Variants in ROBO2 observed in about 807,000 individuals in gnomAD.
ROBO2 encodes roundabout guidance receptor 2, also known as roundabout homolog 2.
ROBO2 carries 53 observed loss-of-function variants against 160.8 expected under a neutral mutation model. The ratio of observed to expected loss-of-function variants is 0.33; its 90% CI spans 0.26 to 0.41. ROBO2 has a LOEUF of 0.41. ROBO2 is among the 10% of genes least tolerant of loss of function. The pLI is 1.00. For missense variants in ROBO2, 1,577 were observed against 1,722.4 expected, an observed-to-expected ratio of 0.92 and a Z score of 1.49; for synonymous variants, 664 against 611.7, an observed-to-expected ratio of 1.09 and a Z score of -1.26.
rs540896300 is a variant in ROBO2 at position 76,648,810 on chromosome 3, G to A, written c.110-449204G>A. On this transcript the variant is annotated intron_variant, in intron 2 of 26. Transcript: ENST00000487694. ...TATCTTATAATAAGACTAGTTGATG[G>A]CTTTTTAAGAAACTTAAGTGCAATA... Among the ~76,000 whole-genome samples the A allele has an allele frequency of 2.0e-5, 3 of 151,986 alleles. No individual in the cohort carries two copies. In the East Asian group the frequency reaches 5.8e-4, roughly 29 times the overall value.
At chr3:76,958,621 C>A (rs376043677) in intron 2 of ROBO2, among the ~76,000 whole-genome samples, 1 of 152,186 alleles carries the variant, frequency 6.6e-6, no homozygotes, top group East Asian at 1.9e-4. Flanking sequence ...TTTGTCACAA[C>A]CTTACCAGGA....
intron 2 of ROBO2, among the ~76,000 whole-genome samples, chr3:76,239,353 C>A (rs1219812505): frequency 3.1e-5 from 1 of 32,684 alleles, no homozygotes; most frequent in East Asian, 1.1e-3. Context: ...GTATAGAATA[C>A]GTATATGTAT....
At chr3:77,033,774 C>A (rs1286139062) in intron 2 of ROBO2, among the ~76,000 whole-genome samples, 1 of 151,626 alleles carries the variant, frequency 6.6e-6, no homozygotes. Context: ...TTGCTAAAAA[C>A]CAAAAATTAA....
intron 1 of ROBO2, among the ~76,000 whole-genome samples, chr3:75,926,648 A>G (rs1947304134): frequency 6.6e-6 from 1 of 152,212 alleles, no homozygotes; most frequent in Admixed American, 6.5e-5. Context: ...TAAGGTGTTA[A>G]GGAACATTAG....
intron 2 of ROBO2, among the ~76,000 whole-genome samples, chr3:76,830,783 G>A (rs1413666822): frequency 1.4e-5 from 2 of 147,136 alleles, no homozygotes; most frequent in East Asian, 2.0e-4. Flanking sequence ...TTGAGATGAC[G>A]CTGGGCAACA....
chr3:77,582,757 T>G (rs2093952211), intron 16 of ROBO2, among the ~76,000 whole-genome samples: 1 of 152,136 alleles, frequency 6.6e-6, no homozygotes, highest in African/African-American at 2.4e-5. Context: ...ATAGCTCTAG[T>G]GTTGTTTTTG....
chr3:77,002,435 CATG>C (rs34145075), intron 2 of ROBO2, among the ~76,000 whole-genome samples: 53,247 of 151,270 alleles, frequency 0.35, 10,099 homozygotes, highest in East Asian at 0.64. Context: ...CATATTTTAT[CATG>C]ATCTATTTTA....
rs1691067313 is a variant in ROBO2 at position 77,292,303 on chromosome 3, G to A, written c.389-185111G>A. On this transcript the variant is annotated intron_variant, in intron 2 of 25. Coordinates refer to ENST00000461745, the Ensembl canonical transcript of ROBO2. ...GATCACCCAGACATAAAGTAAAATT[G>A]ATGGTTAAATAGGAAGTTGAGGCTG... Among the ~76,000 whole-genome samples the A allele has an allele frequency of 2.7e-5, 4 of 149,450 alleles. No individual in the cohort carries two copies. In the South Asian group the frequency reaches 8.7e-4, roughly 32 times the overall value.
intron 16 of ROBO2, among the ~76,000 whole-genome samples, chr3:77,586,824 T>A (rs958283326): frequency 1.3e-4 from 19 of 148,926 alleles, no homozygotes; most frequent in African/African-American, 4.6e-4. Context: ...TTGACTATGT[T>A]TAATAATTAT....
chr3:77,580,239 T>A, intron 16 of ROBO2, 121 bp downstream of exon 17: 1 of 927,074 alleles, frequency 1.1e-6, no homozygotes, highest in Non-Finnish European at 1.7e-6. Context: ...ACACATATCA[T>A]ATTGACAAAT....
At chr3:76,806,285 C>G (rs570643639) in intron 2 of ROBO2, among the ~76,000 whole-genome samples, 8 of 150,374 alleles carry the variant, frequency 5.3e-5, no homozygotes, top group Admixed American at 1.3e-4. Flanking sequence ...ATACATTTTT[C>G]TCTTTTTGAA....
At chr3:76,312,265 C>T (rs763847035) in intron 2 of ROBO2, among the ~76,000 whole-genome samples, 2 of 152,140 alleles carry the variant, frequency 1.3e-5, no homozygotes, top group Non-Finnish European at 2.9e-5. Flanking sequence ...TTTATCTTGG[C>T]TGTAAAAATG....
intron 2 of ROBO2, among the ~76,000 whole-genome samples, chr3:77,012,496 T>C (rs1350059257): frequency 3.9e-5 from 6 of 152,226 alleles, no homozygotes; most frequent in Admixed American, 3.9e-4. Context: ...CTGGAAATAG[T>C]ATGTATGCTT....
intron 2 of ROBO2, among the ~76,000 whole-genome samples, chr3:77,028,462 T>A (rs986784077): frequency 6.6e-5 from 10 of 152,168 alleles, no homozygotes; most frequent in Non-Finnish European, 1.3e-4. Context: ...ATGCCTGTAG[T>A]CCCAGCACTT....
At chr3:76,681,552 T>C (rs2092561866) in intron 2 of ROBO2, among the ~76,000 whole-genome samples, 2 of 152,004 alleles carry the variant, frequency 1.3e-5, no homozygotes, top group African/African-American at 4.8e-5. Context: ...ATGGAAGCTT[T>C]TTCCTCCAGA....
chr3:77,374,344 T>A (rs2072322667), intron 2 of ROBO2, among the ~76,000 whole-genome samples: 1 of 152,052 alleles, frequency 6.6e-6, no homozygotes, highest in Non-Finnish European at 1.5e-5. Flanking sequence ...AATAATAAGT[T>A]GAAGTGACTA....
intron 2 of ROBO2, among the ~76,000 whole-genome samples, chr3:76,498,418 T>C (rs1452260236): frequency 6.6e-6 from 1 of 152,094 alleles, no homozygotes; most frequent in Non-Finnish European, 1.5e-5. Flanking sequence ...CAGTATATTG[T>C]ATTCTAGAAA....
chr3:76,251,407 A>G (rs1176489778), intron 2 of ROBO2, among the ~76,000 whole-genome samples: 1 of 152,102 alleles, frequency 6.6e-6, no homozygotes, highest in Non-Finnish European at 1.5e-5. Context: ...AGAAAAGAAT[A>G]CATTTATGCT....
chr3:77,127,244 G>C lies in ROBO2; in HGVS notation c.388+28904G>C, dbSNP rs12107968. Among the ~76,000 whole-genome samples the C allele has an allele frequency of 4.1e-4, 62 of 151,958 alleles. 1 individual carries two copies. In the East Asian group the frequency reaches 0.012, roughly 29 times the overall value. The stretch of plus-strand genomic sequence containing the variant: ...TTTTTTGTTTCAAATGTGACAGTCC[G>C]GTGCTATGCTTGGCACATAAAACCC... On this transcript the variant is annotated intron_variant, in intron 2 of 25. Coordinates refer to ENST00000461745, the Ensembl canonical transcript of ROBO2.
Sources: allele counts gnomAD v4.1 joint callset (sites outside exome capture counted in the v4.1 genomes callset), GRCh38; gene constraint gnomAD v4.1.1; transcripts MANE v1.5; gene names NCBI Gene and HGNC (gene_info 2026-07-23, HGNC 2026-07-21).